Variants in C12orf42 observed in about 807,000 individuals in gnomAD.
C12orf42 encodes the protein uncharacterized protein C12orf42.
C12orf42 carries 25 observed loss-of-function variants against 21.6 expected under a neutral mutation model. That is an observed-to-expected ratio of 1.16 (90% CI 0.84 to 1.62). C12orf42 has a LOEUF of 1.62. C12orf42 is among the 40% of genes most tolerant of loss of function. The probability of loss-of-function intolerance (pLI) is 0.00; values close to 1 mark genes in which losing one functional copy is unlikely to be tolerated. For synonymous variants in C12orf42, 174 were observed against 175.0 expected (o/e 0.99, Z 0.05); for missense variants, 483 against 459.3 (o/e 1.05, Z -0.47).
chr12:103,130,116 C>T, the C12orf42 span, among the ~76,000 whole-genome samples: 1 of 152,148 alleles, frequency 6.6e-6, no homozygotes, highest in South Asian at 2.1e-4. Context: ...GATGCAGACA[C>T]TGTAGCTGCA....
At chr12:103,098,643 G>C in the C12orf42 span, among the ~76,000 whole-genome samples, 1 of 152,284 alleles carries the variant, frequency 6.6e-6, no homozygotes, top group Admixed American at 6.5e-5. Context: ...ATCTAGAGAG[G>C]TAAAGCCCAT....
intron 4 of C12orf42, among the ~76,000 whole-genome samples, chr12:103,324,503 T>C (rs1300068193): frequency 6.6e-6 from 1 of 152,206 alleles, no homozygotes; most frequent in Admixed American, 6.5e-5. Context: ...AATGAATGCT[T>C]GCAGCTGCAA....
the C12orf42 span, chr12:103,506,323 A>C: frequency 7.9e-6 from 1 of 125,842 alleles, no homozygotes; most frequent in Admixed American, 8.2e-5. Flanking sequence ...CCACACACAC[A>C]AAACAAAACA....
chr12:103,264,041 GTCC>G (rs1200481559), downstream of C12orf42, among the ~76,000 whole-genome samples: 1 of 151,918 alleles, frequency 6.6e-6, no homozygotes, highest in African/African-American at 2.4e-5. Context: ...ACAAAATATT[GTCC>G]TCCTCCTCTT....
intron 4 of C12orf42, among the ~76,000 whole-genome samples, chr12:103,315,162 C>A (rs757431505): frequency 6.6e-6 from 1 of 152,140 alleles, no homozygotes; most frequent in Admixed American, 6.5e-5. Context: ...CCTGATACAT[C>A]ATGCTTGGTT....
chr12:103,421,949 G>A (rs930368083), intron 2 of C12orf42, among the ~76,000 whole-genome samples: 2 of 152,174 alleles, frequency 1.3e-5, no homozygotes, highest in Admixed American at 6.5e-5. Flanking sequence ...AAGATGGTCA[G>A]AAATTATATT....
At chr12:103,285,557 C>G (rs1446335160) in intron 4 of C12orf42, among the ~76,000 whole-genome samples, 1 of 152,032 alleles carries the variant, frequency 6.6e-6, no homozygotes, top group Middle Eastern at 3.4e-3. Flanking sequence ...AAGGAAGAAG[C>G]CTTTGATAGA....
intron 1 of C12orf42, among the ~76,000 whole-genome samples, chr12:103,490,948 T>G (rs2138188446): frequency 6.6e-6 from 1 of 152,272 alleles, no homozygotes; most frequent in South Asian, 2.1e-4. Context: ...GAATTAAATG[T>G]GTGCATAGGG....
chr12:103,225,145 G>GA, the C12orf42 span, among the ~76,000 whole-genome samples: 1 of 152,138 alleles, frequency 6.6e-6, no homozygotes, highest in Non-Finnish European at 1.5e-5. Flanking sequence ...GGGGAATAGT[G>GA]AAAAAAGCAT....
chr12:103,280,461 T>C (rs2036040922), intron 4 of C12orf42, among the ~76,000 whole-genome samples: 1 of 152,002 alleles, frequency 6.6e-6, no homozygotes, highest in Admixed American at 6.6e-5. Context: ...CTACTAAAAA[T>C]ACAAAAAGTT....
the C12orf42 span, among the ~76,000 whole-genome samples, chr12:103,064,975 C>CATTCTTAG: frequency 6.6e-6 from 1 of 152,210 alleles, no homozygotes; most frequent in Non-Finnish European, 1.5e-5. Flanking sequence ...TTGGCACAGA[C>CATTCTTAG]ATTCTTAGCA....
chr12:103,448,669 C>A (rs1187364710), intron 2 of C12orf42, among the ~76,000 whole-genome samples: 1 of 151,674 alleles, frequency 6.6e-6, no homozygotes. Context: ...AATTGGCCAA[C>A]AAGCATATAG....
the C12orf42 span, among the ~76,000 whole-genome samples, chr12:103,561,287 T>C: frequency 6.6e-6 from 1 of 152,184 alleles, no homozygotes; most frequent in Non-Finnish European, 1.5e-5. Context: ...TCCTTCCAGT[T>C]TGAAGAAAGG....
chr12:103,485,521 A>G (rs1954773476), intron 1 of C12orf42, among the ~76,000 whole-genome samples: 1 of 152,218 alleles, frequency 6.6e-6, no homozygotes, highest in Non-Finnish European at 1.5e-5. Context: ...AATCACTGGT[A>G]GCTTGATGGG....
At chr12:103,448,511 A>G (rs1056962975) in intron 2 of C12orf42, among the ~76,000 whole-genome samples, 10 of 152,180 alleles carry the variant, frequency 6.6e-5, no homozygotes, top group Middle Eastern at 3.4e-3. Context: ...AAACCCACAG[A>G]GTGAGAGAAA....
At chr12:103,451,980 C>G (rs139891299) in intron 2 of C12orf42, among the ~76,000 whole-genome samples, 1 of 151,960 alleles carries the variant, frequency 6.6e-6, no homozygotes, top group Non-Finnish European at 1.5e-5. Flanking sequence ...CACCCTAAAA[C>G]GCAATGACTT....
intron 4 of C12orf42, chr12:103,368,163 G>T (rs542939982): frequency 7.2e-6 from 5 of 690,042 alleles, no homozygotes; most frequent in Admixed American, 7.0e-5. Flanking sequence ...TGGTGACAAT[G>T]TTATGGGGAA....
At chr12:103,178,598 A>G in the C12orf42 span, 2 of 152,174 alleles carry the variant, frequency 1.3e-5, no homozygotes, top group East Asian at 1.9e-4. Flanking sequence ...CTTTCTGTCC[A>G]TTCAGCCAGA....
At chr12:103,196,730 C>T in the C12orf42 span, among the ~76,000 whole-genome samples, 1 of 151,674 alleles carries the variant, frequency 6.6e-6, no homozygotes, top group African/African-American at 2.4e-5. Context: ...TTTTCTGAAA[C>T]AAGAATAGCG....
Sources: gnomAD v4.1 joint callset for allele counts (sites outside exome capture counted in the v4.1 genomes callset) on GRCh38, gnomAD v4.1.1 for gene constraint, MANE v1.5 for transcripts, NCBI Gene and HGNC (gene_info 2026-07-23, HGNC 2026-07-21) for gene names.